RNF213: variants seen among roughly 807,000 people sequenced by gnomAD.
RNF213 encodes the protein E3 ubiquitin-protein ligase RNF213.
Under a neutral mutation model 514.4 loss-of-function variants are expected in RNF213, and 341 were observed. That is an observed-to-expected ratio of 0.66 (90% CI 0.61 to 0.73). The LOEUF (loss-of-function observed/expected upper bound fraction) is 0.73. RNF213 is among the 30% of genes least tolerant of loss of function. RNF213 has a pLI of 0.00. For synonymous variants in RNF213, 2,655 were observed against 2,658.2 expected (o/e 1.00, Z 0.04); for missense variants, 5,767 against 6,615.6 (o/e 0.87, Z 4.45).
intron 58 of RNF213, 116 bp from the exon 59 acceptor site, chr17:80,383,561 A>G: frequency 9.7e-7 from 1 of 1,032,414 alleles, no homozygotes; most frequent in Non-Finnish European, 1.5e-6. Context: ...ACATGCTCAG[A>G]GCAGGGGACA....
chr17:80,371,875 T>C lies in RNF213; in HGVS notation c.12427T>C (p.Phe4143Leu). The C allele has an allele frequency of 1.4e-6, 2 of 1,416,438 alleles. No individual in the cohort carries two copies. The highest frequency in any genetic ancestry group is 2.0e-6 in the Non-Finnish European group (2 of 999,936). The allele number at this position is 1,416,438 out of a possible 1,614,324, so 87.7% of individuals were successfully genotyped here. Residue 4143 changes from phenylalanine to leucine, a missense_variant and splice_region_variant, in exon 47 of 68, where the codon TTT becomes CTT. By Grantham distance (22) the Phe-to-Leu change is conservative (BLOSUM62 0). Coordinates refer to ENST00000582970, the MANE Select transcript of RNF213 (RefSeq NM_001256071.3). ...GGAATAATATTTCTCTTTCTGCAGC[T>C]TTCATGATGTAAAAGATTATATTCA... Reference protein sequence around the residue: ...VILKLLLKYSFHDVKDYIQEY... With the variant: ...VILKLLLKYSLHDVKDYIQEY...
intron 41 of RNF213, among the ~76,000 whole-genome samples, chr17:80,364,011 A>G (rs2079156338): frequency 6.6e-6 from 1 of 152,146 alleles, no homozygotes; most frequent in Non-Finnish European, 1.5e-5. Flanking sequence ...CAGGGAGCGC[A>G]CTGTGTACTG....
chr17:80,344,055 C>T (rs760854766), intron 28 of RNF213, 40 bp downstream of exon 28: 5 of 1,600,312 alleles, frequency 3.1e-6, no homozygotes, highest in Non-Finnish European at 4.3e-6. Context: ...GTGGGGGGCT[C>T]TTGGGTTCTT....
intron 2 of RNF213, among the ~76,000 whole-genome samples, chr17:80,265,879 G>C (rs2043596214): frequency 6.6e-6 from 1 of 151,994 alleles, no homozygotes; most frequent in African/African-American, 2.4e-5. Context: ...AGACCAGCCT[G>C]GGCAATGTAG....
intron 31 of RNF213, among the ~76,000 whole-genome samples, chr17:80,351,300 CA>C (rs1308096130): frequency 3.9e-4 from 60 of 152,300 alleles, no homozygotes; most frequent in African/African-American, 1.4e-3. Flanking sequence ...CTGGGCAACA[CA>C]GCAAGACCCC....
intron 55 of RNF213, 69 bp from the exon 56 acceptor site, chr17:80,380,762 G>A: frequency 8.9e-6 from 14 of 1,575,812 alleles, no homozygotes; most frequent in Non-Finnish European, 1.2e-5. Flanking sequence ...CACTCCAAGT[G>A]CTGAGAAAGT....
At chr17:80,379,483 C>T (rs557788719) in intron 54 of RNF213, 137 bp from the exon 55 acceptor site, 11 of 859,520 alleles carry the variant, frequency 1.3e-5, no homozygotes, top group Admixed American at 3.7e-5. Context: ...TCCACCCACC[C>T]GAAACAAGCA....
Position 80,263,437 on chromosome 17 carries a change from G to A in RNF213, c.-108-137G>A, listed in dbSNP as rs1202872515. On this transcript the variant is annotated intron_variant, in intron 1 of 67. Transcript: ENST00000582970. The surrounding 1 kb of genome is among the most constrained non-coding windows in gnomAD (Gnocchi z 4.9). ...ATGGTTCTAGGCTGGCTGAATGAGG[G>A]ACCAGGGCAGAGACTGCAAAAGCTT... The A allele has an allele frequency of 1.9e-6, 1 of 532,786 alleles. No individual in the cohort carries two copies. The highest frequency in any genetic ancestry group is 3.4e-6 in the Non-Finnish European group (1 of 292,058). 33.0% of individuals were successfully genotyped at this position (532,786 alleles called of 1,614,324 possible).
chr17:80,295,530 T>C (rs2143396237), intron 9 of RNF213, 27 bp from the exon 10 acceptor site: 1 of 1,613,806 alleles, frequency 6.2e-7, no homozygotes, highest in East Asian at 2.2e-5. Flanking sequence ...CCATGGTTCA[T>C]GCATCTTCCT....
chr17:80,291,261 A>AT (rs2044718207), intron 7 of RNF213, among the ~76,000 whole-genome samples: 4 of 139,408 alleles, frequency 2.9e-5, no homozygotes, highest in African/African-American at 8.5e-5. Flanking sequence ...TCTTTCTTAT[A>AT]ATTTTTTTTT....
At chr17:80,373,703 G>A (rs1035133508) in intron 49 of RNF213, among the ~76,000 whole-genome samples, 1 of 152,144 alleles carries the variant, frequency 6.6e-6, no homozygotes, top group Non-Finnish European at 1.5e-5. Flanking sequence ...TGCAGAAGAG[G>A]CTTCAAGGCC....
chr17:80,374,403 T>C (rs1335309557), intron 49 of RNF213, 55 bp from the exon 50 acceptor site: 71 of 1,611,932 alleles, frequency 4.4e-5, no homozygotes, highest in Non-Finnish European at 6.0e-5. Context: ...GTTCAGACGG[T>C]TCTTTGCAAG....
intron 2 of RNF213, among the ~76,000 whole-genome samples, chr17:80,268,658 T>TCA (rs2043696030): frequency 6.9e-6 from 1 of 144,174 alleles, no homozygotes; most frequent in Non-Finnish European, 1.5e-5. Flanking sequence ...TATCTATCTG[T>TCA]CATCTGTCTT....
At chr17:80,334,018 G>A (rs1486447719) in intron 21 of RNF213, 87 bp from the exon 22 acceptor site, 10 of 1,472,664 alleles carry the variant, frequency 6.8e-6, no homozygotes, top group Non-Finnish European at 9.2e-6. Flanking sequence ...GGAGGGTGGG[G>A]CTGCTGGGAC....
At chr17:80,271,192 G>T (rs1257775582) in intron 2 of RNF213, among the ~76,000 whole-genome samples, 3 of 152,162 alleles carry the variant, frequency 2.0e-5, no homozygotes, top group African/African-American at 7.2e-5. Context: ...GAAGGATGGG[G>T]CCTTGGGTCG....
At chr17:80,381,802 G>GGTGGC in intron 57 of RNF213, 75 bp downstream of exon 57, 2 of 1,357,320 alleles carry the variant, frequency 1.5e-6, no homozygotes, top group Non-Finnish European at 2.0e-6. Context: ...TGTCTTGTGG[G>GGTGGC]CCACCCCACA....
intron 3 of RNF213, among the ~76,000 whole-genome samples, chr17:80,276,987 G>T (rs924503379): frequency 3.3e-5 from 5 of 151,972 alleles, no homozygotes; most frequent in South Asian, 4.1e-4. Context: ...AACCCGGGAG[G>T]GGGAGGTTTC....
chr17:80,364,408 A>G (rs1293457892), intron 41 of RNF213, 25 bp from the exon 42 acceptor site: 1 of 1,613,834 alleles, frequency 6.2e-7, no homozygotes, highest in Non-Finnish European at 8.5e-7. Flanking sequence ...CGAGTGAGTG[A>G]GTGAGTGGCG....
At chr17:80,279,369 C>T (rs1027352027) in intron 3 of RNF213, among the ~76,000 whole-genome samples, 2 of 152,164 alleles carry the variant, frequency 1.3e-5, no homozygotes, top group African/African-American at 2.4e-5. Context: ...TCTTGGATGG[C>T]GCTCGCCACG....
Sources: allele counts gnomAD v4.1 joint callset (sites outside exome capture counted in the v4.1 genomes callset), GRCh38; gene constraint gnomAD v4.1.1; non-coding constraint Gnocchi (gnomAD v3.1); transcripts MANE v1.5; gene names NCBI Gene and HGNC (gene_info 2026-07-23, HGNC 2026-07-21).